Variants in GAS2 observed in about 807,000 individuals in gnomAD.
GAS2 encodes the protein growth arrest specific 2.
Under a neutral mutation model 37.5 loss-of-function variants are expected in GAS2, and 20 were observed. The ratio of observed to expected loss-of-function variants is 0.53; its 90% CI spans 0.37 to 0.77. The LOEUF (loss-of-function observed/expected upper bound fraction) is 0.77, where lower values mean the gene tolerates loss of function less well. Among genes scored for constraint, GAS2 ranks in the 30% least tolerant of loss-of-function variants. GAS2 has a pLI of 0.00. For synonymous variants in GAS2, 144 were observed against 132.2 expected (o/e 1.09, Z -0.61); for missense variants, 336 against 373.4 (o/e 0.90, Z 0.82).
At chr11:22,735,749 TA>T (rs1406044816) in intron 4 of GAS2, among the ~76,000 whole-genome samples, 1 of 151,900 alleles carries the variant, frequency 6.6e-6, no homozygotes, top group Non-Finnish European at 1.5e-5. Flanking sequence ...TATCAGGTAT[TA>T]TCTTTTATAG....
At chr11:22,662,982 TAAAGA>T (rs1009637825), upstream of GAS2, among the ~76,000 whole-genome samples, 1 of 152,158 alleles carries the variant, frequency 6.6e-6, no homozygotes, top group African/African-American at 2.4e-5. Flanking sequence ...GGGTCATTTA[TAAAGA>T]AAAGAGGTTT....
intron 1 of GAS2, among the ~76,000 whole-genome samples, chr11:22,641,762 A>T (rs1848632294): frequency 1.3e-5 from 2 of 152,124 alleles, no homozygotes; most frequent in East Asian, 3.8e-4. Context: ...AGCCATTCTT[A>T]TAATTAATAT....
chr11:22,725,982 G>A (rs972404427), intron 3 of GAS2, among the ~76,000 whole-genome samples: 3 of 152,066 alleles, frequency 2.0e-5, no homozygotes, highest in African/African-American at 7.2e-5. Context: ...CTGATAGAAT[G>A]CTTAGATGAA....
chr11:22,684,412 T>C (rs952377272), intron 2 of GAS2, among the ~76,000 whole-genome samples: 6 of 152,130 alleles, frequency 3.9e-5, no homozygotes, highest in Non-Finnish European at 5.9e-5. Context: ...TTGCTAGAGG[T>C]TTAAGTATCA....
chr11:22,809,735 C>T (rs902192783), intron 7 of GAS2, among the ~76,000 whole-genome samples: 3 of 151,364 alleles, frequency 2.0e-5, no homozygotes, highest in African/African-American at 4.9e-5. Flanking sequence ...CTCAGGTGAT[C>T]CACCCACCTC....
At chr11:22,644,096 C>G (rs1848661031) in intron 1 of GAS2, among the ~76,000 whole-genome samples, 1 of 152,066 alleles carries the variant, frequency 6.6e-6, no homozygotes, top group South Asian at 2.1e-4. Context: ...TATGTAAACT[C>G]ATTTTTAATT....
At chr11:22,798,116 C>T (rs909917186) in intron 7 of GAS2, among the ~76,000 whole-genome samples, 3 of 151,954 alleles carry the variant, frequency 2.0e-5, no homozygotes, top group African/African-American at 7.2e-5. Context: ...TTAACCTTGT[C>T]GAGCCACTGT....
intron 1 of GAS2, chr11:22,626,014 T>A: frequency 1.5e-6 from 1 of 655,732 alleles, no homozygotes; most frequent in Non-Finnish European, 2.7e-6. Context: ...ACAAAGAGGT[T>A]CTTCTTAGTG....
chr11:22,655,764 A>G (rs892808118), intron 1 of GAS2, among the ~76,000 whole-genome samples: 2 of 152,226 alleles, frequency 1.3e-5, no homozygotes, highest in Non-Finnish European at 2.9e-5. Context: ...AAACCAAACC[A>G]TAAGATGTAA....
At chr11:22,756,160 A>G (rs1041347598) in intron 7 of GAS2, among the ~76,000 whole-genome samples, 3 of 152,130 alleles carry the variant, frequency 2.0e-5, no homozygotes, top group African/African-American at 4.8e-5. Context: ...ACCAAAACGC[A>G]TATACACCAA....
chr11:22,722,664 C>T (rs1362169803), intron 3 of GAS2, among the ~76,000 whole-genome samples: 1 of 151,724 alleles, frequency 6.6e-6, no homozygotes, highest in African/African-American at 2.4e-5. Flanking sequence ...ATAGTTATGC[C>T]ATTAACTTAG....
chr11:22,680,130 G>T lies in GAS2; in HGVS notation c.145+5116G>T, dbSNP rs547973261. On this transcript the variant is annotated intron_variant, in intron 2 of 7. Coordinates refer to ENST00000454584, the MANE Select transcript of GAS2 (RefSeq NM_001143830.3). ...CAGCTTGCTTTTCTTTTTTCTTGTGGCCCTTTTACCAGATACTTATTCTGC... is the reference window on the plus strand; with the variant it reads ...CAGCTTGCTTTTCTTTTTTCTTGTGTCCCTTTTACCAGATACTTATTCTGC... Among the ~76,000 whole-genome samples, 3 of 152,078 alleles carry T rather than the reference G, an allele frequency of 2.0e-5. No homozygotes were observed. The East Asian group carries it at 5.8e-4, about 29-fold the overall frequency.
At chr11:22,637,877 A>G (rs1858858625) in intron 1 of GAS2, among the ~76,000 whole-genome samples, 1 of 150,768 alleles carries the variant, frequency 6.6e-6, no homozygotes, top group Non-Finnish European at 1.5e-5. Flanking sequence ...AAACCAAGAA[A>G]ATCTCAGAAT....
At chr11:22,733,547 T>C (rs16910050) in intron 4 of GAS2, among the ~76,000 whole-genome samples, 2,905 of 151,844 alleles carry the variant, frequency 0.019, 104 homozygotes, top group African/African-American at 0.067. Context: ...CATGGTCTAA[T>C]GCATTTTATC....
intron 7 of GAS2, among the ~76,000 whole-genome samples, chr11:22,795,708 CTCTG>C (rs1856395643): frequency 1.3e-5 from 2 of 152,080 alleles, no homozygotes; most frequent in Admixed American, 6.6e-5. Context: ...ATTGGGATAG[CTCTG>C]TAGTTTACAC....
intron 7 of GAS2, among the ~76,000 whole-genome samples, chr11:22,793,244 A>G (rs1436600556): frequency 6.6e-6 from 1 of 152,238 alleles, no homozygotes; most frequent in Non-Finnish European, 1.5e-5. Context: ...ACTGCACTCC[A>G]GCCTGGATGA....
intron 3 of GAS2, among the ~76,000 whole-genome samples, chr11:22,725,076 G>T (rs557363714): frequency 3.9e-5 from 6 of 152,016 alleles, no homozygotes; most frequent in African/African-American, 1.4e-4. Flanking sequence ...GTCCTATGTA[G>T]CCCAGTTCAC....
At chr11:22,721,730 T>G (rs537852427) in intron 3 of GAS2, among the ~76,000 whole-genome samples, 1 of 152,176 alleles carries the variant, frequency 6.6e-6, no homozygotes, top group Admixed American at 6.6e-5. Flanking sequence ...AGGACATTTT[T>G]ATCAATGTAG....
chr11:22,626,067 A>G, intron 1 of GAS2: 1 of 540,724 alleles, frequency 1.8e-6, no homozygotes. Flanking sequence ...AATTTCCGGA[A>G]CCACGTGCGA....
Sources: allele counts gnomAD v4.1 joint callset (sites outside exome capture counted in the v4.1 genomes callset), GRCh38; gene constraint gnomAD v4.1.1; transcripts MANE v1.5; gene names NCBI Gene and HGNC (gene_info 2026-07-23, HGNC 2026-07-21).